Variants in MAD1L1 observed in about 807,000 individuals in gnomAD.
The protein encoded by MAD1L1 is mitotic spindle assembly checkpoint protein MAD1.
In MAD1L1, 95 loss-of-function variants were observed where a neutral mutation model predicts 96.9. That is an observed-to-expected ratio of 0.98 (90% CI 0.83 to 1.16). The LOEUF is 1.16. MAD1L1 is among the 50% of genes most tolerant of loss of function. The probability of loss-of-function intolerance (pLI) is 0.00; values close to 1 mark genes in which losing one functional copy is unlikely to be tolerated. For missense variants in MAD1L1, 1,007 were observed against 954.4 expected (o/e 1.06, Z -0.73); for synonymous variants, 473 against 396.6 (o/e 1.19, Z -2.29).
At chr7:1,914,867 G>A (rs1788272443) in intron 17 of MAD1L1, among the ~76,000 whole-genome samples, 1 of 152,196 alleles carries the variant, frequency 6.6e-6, no homozygotes. Flanking sequence ...CTGTACCTGG[G>A]CCTCCCAAAG....
At chr7:1,919,938 G>A (rs1388860533) in intron 17 of MAD1L1, among the ~76,000 whole-genome samples, 2 of 152,236 alleles carry the variant, frequency 1.3e-5, no homozygotes, top group Admixed American at 1.3e-4. Context: ...GGCGGAGTCA[G>A]CCTTACCCAC....
At chr7:1,946,313 G>C (rs976637326) in intron 16 of MAD1L1, among the ~76,000 whole-genome samples, 1 of 152,288 alleles carries the variant, frequency 6.6e-6, no homozygotes, top group East Asian at 1.9e-4. Context: ...CACCTAGGGC[G>C]CTGAGCACTG....
At chr7:2,008,153 A>C (rs1782119819) in intron 13 of MAD1L1, among the ~76,000 whole-genome samples, 1 of 152,232 alleles carries the variant, frequency 6.6e-6, no homozygotes, top group African/African-American at 2.4e-5. Flanking sequence ...TGCCTTTAAA[A>C]CATGGAATCC....
intron 10 of MAD1L1, among the ~76,000 whole-genome samples, chr7:2,152,079 GC>G (rs1789603382): frequency 6.6e-6 from 1 of 152,196 alleles, no homozygotes; most frequent in African/African-American, 2.4e-5. Flanking sequence ...GAGTTGTCCT[GC>G]CCCAGGCAGG....
chr7:1,829,224 CCAGCCCTTCAGCGT>C (rs1474626476), intron 18 of MAD1L1, among the ~76,000 whole-genome samples: 3 of 152,234 alleles, frequency 2.0e-5, no homozygotes, highest in African/African-American at 7.2e-5. Flanking sequence ...CGCATCAGCG[CCAGCCCTTCAGCGT>C]GACTTACAGC....
intron 17 of MAD1L1, among the ~76,000 whole-genome samples, chr7:1,924,337 C>T (rs2128457858): frequency 6.6e-6 from 1 of 152,324 alleles, no homozygotes; most frequent in African/African-American, 2.4e-5. Flanking sequence ...TGAATTCCTT[C>T]CCGTCCTTTA....
chr7:2,198,738 C>T (rs1792124822), intron 10 of MAD1L1, among the ~76,000 whole-genome samples: 1 of 152,212 alleles, frequency 6.6e-6, no homozygotes, highest in African/African-American at 2.4e-5. Flanking sequence ...GGCCCAGAGC[C>T]ACATGCTCTT....
chr7:2,013,878 G>C (rs900515686), intron 13 of MAD1L1, among the ~76,000 whole-genome samples: 1 of 152,224 alleles, frequency 6.6e-6, no homozygotes, highest in Non-Finnish European at 1.5e-5. Context: ...ACAGGTGAGA[G>C]CTGCTCAGAG....
intron 18 of MAD1L1, among the ~76,000 whole-genome samples, chr7:1,819,488 A>T (rs948699835): frequency 6.6e-6 from 1 of 152,150 alleles, no homozygotes; most frequent in South Asian, 2.1e-4. Context: ...GCCCCTCTGG[A>T]AGCAGAGAGG....
intron 12 of MAD1L1, among the ~76,000 whole-genome samples, chr7:2,048,359 C>A (rs953352782): frequency 6.6e-6 from 1 of 152,202 alleles, no homozygotes; most frequent in African/African-American, 2.4e-5. Flanking sequence ...TCCTGTTGCA[C>A]AAACACGGGA....
At chr7:2,055,960 C>A (rs193049511) in intron 12 of MAD1L1, among the ~76,000 whole-genome samples, 133 of 152,358 alleles carry the variant, frequency 8.7e-4, no homozygotes, top group Middle Eastern at 3.4e-3. Context: ...GCCTGAGTGA[C>A]AGGGCAAGAC....
intron 12 of MAD1L1, among the ~76,000 whole-genome samples, chr7:2,046,569 C>G (rs531930355): frequency 6.6e-6 from 1 of 152,164 alleles, no homozygotes; most frequent in Non-Finnish European, 1.5e-5. Context: ...TTTCTGGAGA[C>G]GGAACTCTGC....
At chr7:2,047,839 A>AC (rs1783994239) in intron 12 of MAD1L1, among the ~76,000 whole-genome samples, 1 of 152,212 alleles carries the variant, frequency 6.6e-6, no homozygotes, top group African/African-American at 2.4e-5. Context: ...CTCCACAGAC[A>AC]CATGCACAAT....
At chr7:2,051,014 T>G (rs898441883) in intron 12 of MAD1L1, among the ~76,000 whole-genome samples, 6 of 152,258 alleles carry the variant, frequency 3.9e-5, no homozygotes, top group African/African-American at 1.4e-4. Context: ...AGATCAAGGT[T>G]ATTCAAAGAT....
At position 1,909,732 on chromosome 7, in the gene MAD1L1, G is replaced by A. The variant is rs190564120; in HGVS notation, c.1808-11342C>T. Among the ~76,000 whole-genome samples, 1,381 of 152,316 alleles carry A rather than the reference G, an allele frequency of 9.1e-3. 16 individuals carry two copies. Among genetic ancestry groups the A allele is most frequent in the African/African-American group, 0.027 (1,120 of 41,558 alleles). ...GGCTTTGGCAACAGGAGGATGGGAC[G>A]CCACCACCTGCCAGCCAGGGCCTGC... On this transcript the variant is annotated intron_variant, in intron 17 of 18. Coordinates refer to ENST00000265854, the MANE Select transcript of MAD1L1 (RefSeq NM_001013836.2).
chr7:2,227,368 A>G (rs1010969998), intron 3 of MAD1L1, among the ~76,000 whole-genome samples: 1 of 152,200 alleles, frequency 6.6e-6, no homozygotes, highest in African/African-American at 2.4e-5. Flanking sequence ...GTTGAGAAGC[A>G]CCAGAGTAGA....
rs563692341 is a variant in MAD1L1 at position 2,069,023 on chromosome 7, G to A, written c.1218+171C>T. Among the ~76,000 whole-genome samples the A allele has an allele frequency of 2.5e-3, 380 of 152,282 alleles. 2 individuals carry two copies. Among genetic ancestry groups the A allele is most frequent in the African/African-American group, 8.4e-3 (351 of 41,542 alleles). On this transcript the variant is annotated intron_variant, in intron 12 of 18. Coordinates refer to ENST00000265854, the MANE Select transcript of MAD1L1 (RefSeq NM_001013836.2). ...CCCAGAGAGTCCCACAGGGAGCACCGGGGCTGAGCACTCTCTGGCATTCCC... is the reference window on the plus strand; with the variant it reads ...CCCAGAGAGTCCCACAGGGAGCACCAGGGCTGAGCACTCTCTGGCATTCCC...
intron 16 of MAD1L1, among the ~76,000 whole-genome samples, chr7:1,948,625 G>A (rs10950466): frequency 0.86 from 130,896 of 152,226 alleles, 57,627 homozygotes; most frequent in Non-Finnish European, 0.96. Flanking sequence ...TCCAGCAAGG[G>A]TCAGGGGCTC....
intron 18 of MAD1L1, among the ~76,000 whole-genome samples, chr7:1,897,282 G>T (rs1006217220): frequency 4.0e-5 from 6 of 150,572 alleles, no homozygotes; most frequent in African/African-American, 1.5e-4. Context: ...ATAAAGACAC[G>T]CAGAGGCTGC....
Sources: allele counts gnomAD v4.1 joint callset (sites outside exome capture counted in the v4.1 genomes callset), GRCh38; gene constraint gnomAD v4.1.1; transcripts MANE v1.5; gene names NCBI Gene and HGNC (gene_info 2026-07-23, HGNC 2026-07-21).